The following RBFOX1 variants were observed in gnomAD, a reference collection of about 807,000 sequenced individuals.
RBFOX1 encodes the protein RNA binding fox-1 homolog 1, also known as RNA binding protein fox-1 homolog 1.
In RBFOX1, 8 loss-of-function variants were observed where a neutral mutation model predicts 57.7. The observed-to-expected ratio is 0.14, with a 90% CI of 0.08 to 0.25. RBFOX1 has a LOEUF of 0.25. RBFOX1 is among the 10% of genes least tolerant of loss of function. The probability of loss-of-function intolerance (pLI) is 1.00; values close to 1 mark genes in which losing one functional copy is unlikely to be tolerated. For missense variants in RBFOX1, 611 were observed against 548.5 expected, an observed-to-expected ratio of 1.11 and a Z score of -1.14; for synonymous variants, 326 against 222.4, an observed-to-expected ratio of 1.47 and a Z score of -4.15.
chr16:5,726,230 G>C (rs553041621), intron 3 of RBFOX1, among the ~76,000 whole-genome samples: 13 of 151,710 alleles, frequency 8.6e-5, no homozygotes, highest in African/African-American at 3.1e-4. Context: ...ATGCCTCCCC[G>C]AAATGCAGAT....
chr16:5,321,491 T>G (rs572216806), intron 1 of RBFOX1, among the ~76,000 whole-genome samples: 8 of 152,226 alleles, frequency 5.3e-5, no homozygotes, highest in African/African-American at 1.9e-4. Context: ...GGCTAATTTT[T>G]TTGTATTTTT....
At chr16:6,711,187 C>T (rs1201822257) in intron 3 of RBFOX1, among the ~76,000 whole-genome samples, 1 of 152,148 alleles carries the variant, frequency 6.6e-6, no homozygotes, top group African/African-American at 2.4e-5. Context: ...ACCATGGGGA[C>T]CATCATCCTG....
Position 5,451,631 on chromosome 16 carries a change from C to A in RBFOX1, c.220-15585C>A, listed in dbSNP as rs1387417336. ...CTATTATTTAAGAAAGAAATAGATTCTTCAGTAGAAGTCTACGTACAATGT... is the reference window on the plus strand; with the variant it reads ...CTATTATTTAAGAAAGAAATAGATTATTCAGTAGAAGTCTACGTACAATGT... On this transcript the variant is annotated intron_variant, in intron 1 of 2. Transcript: ENST00000585867. Among the ~76,000 whole-genome samples, 5 of 152,182 alleles carry A rather than the reference C, an allele frequency of 3.3e-5. No homozygotes were observed. In the East Asian group the frequency reaches 7.7e-4, roughly 23 times the overall value.
intron 2 of RBFOX1, among the ~76,000 whole-genome samples, chr16:5,531,213 G>C (rs752827215): frequency 6.6e-6 from 1 of 152,140 alleles, no homozygotes; most frequent in African/African-American, 2.4e-5. Context: ...GGAGTTGTTC[G>C]TCAGCCCACC....
rs150490021 is a variant in RBFOX1 at position 6,048,923 on chromosome 16, C to G, written c.-127+28931C>G. 1.2e-3 allele frequency among the ~76,000 whole-genome samples: 175 copies of G among 152,120 alleles called. 1 individual carries two copies. The highest frequency in any genetic ancestry group is 0.01 in the Admixed American group (155 of 15,278). Reference sequence around the variant, plus strand: ...TTCTGTCCTTTTTAGATGCTGAGTTCTAGCTATAGCATGACTCAGACTGGG... The same window carrying G: ...TTCTGTCCTTTTTAGATGCTGAGTTGTAGCTATAGCATGACTCAGACTGGG... On this transcript the variant is annotated intron_variant, in intron 1 of 15. Coordinates refer to ENST00000550418, the MANE Select transcript of RBFOX1 (RefSeq NM_018723.4).
intron 4 of RBFOX1, among the ~76,000 whole-genome samples, chr16:7,397,814 C>T (rs1307857280): frequency 1.3e-5 from 2 of 152,086 alleles, no homozygotes; most frequent in Non-Finnish European, 2.9e-5. Context: ...GGGTTCAAGT[C>T]TTGTCCACGT....
At chr16:6,471,576 T>C (rs1001319143) in intron 2 of RBFOX1, among the ~76,000 whole-genome samples, 1 of 105,510 alleles carries the variant, frequency 9.5e-6, no homozygotes, top group Non-Finnish European at 2.2e-5. Flanking sequence ...ATGCTTATAA[T>C]TGGAAAAAAA....
intron 3 of RBFOX1, among the ~76,000 whole-genome samples, chr16:5,646,985 C>T (rs1490404848): frequency 2.0e-5 from 3 of 152,062 alleles, no homozygotes; most frequent in South Asian, 2.1e-4. Flanking sequence ...GGAGCGCAGC[C>T]GGCGGCTGCG....
At chr16:7,355,983 T>C (rs562020876) in intron 4 of RBFOX1, among the ~76,000 whole-genome samples, 2 of 152,290 alleles carry the variant, frequency 1.3e-5, no homozygotes, top group East Asian at 3.9e-4. Context: ...TTTACTTGGG[T>C]AAATACGGCC....
intron 3 of RBFOX1, among the ~76,000 whole-genome samples, chr16:6,848,628 G>C (rs902407906): frequency 1.3e-5 from 2 of 152,006 alleles, no homozygotes; most frequent in African/African-American, 4.8e-5. Flanking sequence ...TGTGTAGAGA[G>C]AGATGATGGA....
At chr16:7,227,565 G>A (rs911729610) in intron 4 of RBFOX1, among the ~76,000 whole-genome samples, 1 of 152,164 alleles carries the variant, frequency 6.6e-6, no homozygotes. Context: ...TTCGGAGTCC[G>A]AAAGCATTGA....
intron 3 of RBFOX1, among the ~76,000 whole-genome samples, chr16:6,693,618 A>G (rs2060575003): frequency 7.1e-6 from 1 of 140,464 alleles, no homozygotes. Context: ...ATCATCATCA[A>G]CACATTTTTA....
intron 4 of RBFOX1, among the ~76,000 whole-genome samples, chr16:5,901,110 A>C (rs190310016): frequency 6.6e-6 from 1 of 152,190 alleles, no homozygotes; most frequent in East Asian, 1.9e-4. Flanking sequence ...AGAAACGGAG[A>C]CGCGTGTTGA....
At chr16:7,600,618 C>A (rs1379425874) in intron 9 of RBFOX1, among the ~76,000 whole-genome samples, 2 of 152,176 alleles carry the variant, frequency 1.3e-5, no homozygotes, top group Non-Finnish European at 2.9e-5. Context: ...TGTACTTCAG[C>A]AAAATTATAA....
At chr16:6,688,100 T>C (rs1479564523) in intron 3 of RBFOX1, among the ~76,000 whole-genome samples, 1 of 151,886 alleles carries the variant, frequency 6.6e-6, no homozygotes, top group East Asian at 1.9e-4. Flanking sequence ...AGAAAAGAGA[T>C]TTCATTGGCT....
rs116195030 is a variant in RBFOX1, at chr16:5,843,545, C to G, written c.319-23758C>G. 7.3e-3 allele frequency among the ~76,000 whole-genome samples: 1,106 copies of G among 152,246 alleles called. 9 individuals are homozygous for G. Among genetic ancestry groups the G allele is most frequent in the African/African-American group, 0.025 (1,051 of 41,528 alleles). On this transcript the variant is annotated intron_variant, in intron 3 of 19. Transcript: ENST00000641259. Reference sequence around the variant, plus strand: ...ATGTTCCACATTTTCTTTGTCTACTCTGCCATTAATGGGCATTTAGGTCGA... The same window carrying G: ...ATGTTCCACATTTTCTTTGTCTACTGTGCCATTAATGGGCATTTAGGTCGA...
At chr16:6,164,443 G>A (rs1293144136) in intron 1 of RBFOX1, among the ~76,000 whole-genome samples, 1 of 151,058 alleles carries the variant, frequency 6.6e-6, no homozygotes, top group Non-Finnish European at 1.5e-5. Flanking sequence ...GTTTTCCACA[G>A]AGTTCTTTTT....
At chr16:7,255,966 T>A (rs1488280776) in intron 4 of RBFOX1, among the ~76,000 whole-genome samples, 1 of 151,982 alleles carries the variant, frequency 6.6e-6, no homozygotes, top group Non-Finnish European at 1.5e-5. Flanking sequence ...TGGGATGGGG[T>A]GATTATGTGT....
intron 3 of RBFOX1, among the ~76,000 whole-genome samples, chr16:5,823,422 A>T (rs932544184): frequency 1.3e-5 from 2 of 152,190 alleles, no homozygotes; most frequent in Non-Finnish European, 2.9e-5. Context: ...GAAGTGTTCT[A>T]TTGAGGGAAT....
Sources: allele counts gnomAD v4.1 joint callset (sites outside exome capture counted in the v4.1 genomes callset), GRCh38; gene constraint gnomAD v4.1.1; transcripts MANE v1.5; gene names NCBI Gene and HGNC (gene_info 2026-07-23, HGNC 2026-07-21).